The following ZNF12 variants were observed in gnomAD, a reference collection of about 807,000 sequenced individuals.
ZNF12 encodes the protein gonadotropin inducible transcription repressor 3.
Under a neutral mutation model 66.6 loss-of-function variants are expected in ZNF12, and 34 were observed. The ratio of observed to expected loss-of-function variants is 0.51; its 90% CI spans 0.39 to 0.68. The LOEUF (loss-of-function observed/expected upper bound fraction) is 0.68. ZNF12 is among the 30% of genes least tolerant of loss of function. ZNF12 has a pLI of 0.00. For synonymous variants in ZNF12, 320 were observed against 278.9 expected (o/e 1.15, Z -1.47); for missense variants, 697 against 826.9 (o/e 0.84, Z 1.93).
At position 6,689,383 on chromosome 7, in the gene ZNF12, T is replaced by G. The variant is rs996489391; in HGVS notation, c.*1465A>C. The G allele has an allele frequency of 6.6e-6, 1 of 152,240 alleles. No individual in the cohort carries two copies. The highest frequency in any genetic ancestry group is 2.4e-5 in the African/African-American group (1 of 41,462). The allele number at this position is 152,240 out of a possible 1,614,324, so 9.4% of individuals were successfully genotyped here. ...TCCCTTTGCTTGAATCCTTGGGCCT[T>G]TGAGAAAACCTTTTCCAGAAGTAGT... On this transcript the variant is annotated 3_prime_UTR_variant, in exon 5 of 5. Coordinates refer to ENST00000405858, the MANE Select transcript of ZNF12 (RefSeq NM_016265.4).
chr7:6,702,324 ACCAGATTCGTCTCC>A (rs1780260396), intron 2 of ZNF12, among the ~76,000 whole-genome samples: 3 of 41,704 alleles, frequency 7.2e-5, no homozygotes, highest in African/African-American at 2.7e-4. Context: ...ACACACACAC[ACCAGATTCGTCTCC>A]CAAACTACAC....
Position 6,697,897 on chromosome 7 carries a change from C to T in ZNF12, c.16-86G>A. 2.1e-6 allele frequency: 3 copies of T among 1,410,070 alleles called. No homozygotes were observed. The highest frequency in any genetic ancestry group is 3.0e-6 in the Non-Finnish European group (3 of 997,780). 87.3% of individuals were successfully genotyped at this position (1,410,070 alleles called of 1,614,324 possible). On this transcript the variant is annotated intron_variant, in intron 2 of 4. Coordinates refer to ENST00000405858, the MANE Select transcript of ZNF12 (RefSeq NM_016265.4). The surrounding 1 kb of genome is among the most constrained non-coding windows in gnomAD (Gnocchi z 6.1). ...TAGCATGCTCACTGGCAAAATTAAC[C>T]ATGAACACTGTATACCTTTATTTTA... is the stretch of plus-strand genomic sequence containing the variant.
chr7:6,691,328 T>C lies in ZNF12; in HGVS notation c.1614A>G (p.Arg538=), dbSNP rs763526175. ...KTFYQNSALC[R]HRRIHKGEKP... The stretch of plus-strand genomic sequence containing the variant: ...TCTCTCCTTTGTGTATTCTCCGATG[T>C]CTACAAAGGGCTGAGTTCTGGTAGA... Residue 538 remains arginine (R), a synonymous_variant, in exon 5 of 5, where the codon AGA becomes AGG. Transcript: ENST00000405858. The C allele has an allele frequency of 1.2e-6, 2 of 1,613,902 alleles. No individual in the cohort carries two copies. The highest frequency in any genetic ancestry group is 8.5e-7 in the Non-Finnish European group (1 of 1,179,852).
At position 6,690,805 on chromosome 7, in the gene ZNF12, C is replaced by T. The variant is rs372313083; in HGVS notation, c.*43G>A. 8.6e-6 allele frequency: 13 copies of T among 1,518,712 alleles called. No individual in the cohort carries two copies. Among genetic ancestry groups the T allele is most frequent in the Non-Finnish European group, 1.1e-5 (13 of 1,134,582 alleles). 94.1% of individuals were successfully genotyped at this position (1,518,712 alleles called of 1,614,324 possible). ...TGACTTCAGGCAGGAGTTTCTGATT[C>T]ACTATACTGAAAGGGTTCTCTGATA... On this transcript the variant is annotated 3_prime_UTR_variant, in exon 5 of 5. Transcript: ENST00000405858.
At position 6,706,800 on chromosome 7, in the gene ZNF12, T is replaced by C. The variant is rs1562604344; in HGVS notation, c.-419A>G. ...GGGGATCCCCGCTTGAGCCTCCGCCTGGCCCGCACAGCCCCGCGCCCGCTT... is the reference window on the plus strand; with the variant it reads ...GGGGATCCCCGCTTGAGCCTCCGCCCGGCCCGCACAGCCCCGCGCCCGCTT... On this transcript the variant is annotated 5_prime_UTR_variant, in exon 1 of 5. Coordinates refer to ENST00000405858, the MANE Select transcript of ZNF12 (RefSeq NM_016265.4). The C allele has an allele frequency of 3.6e-5, 10 of 275,348 alleles. No homozygotes were observed. The highest frequency in any genetic ancestry group is 3.1e-4 in the Admixed American group (5 of 16,378). The allele number at this position is 275,348 out of a possible 1,614,324, so 17.1% of individuals were successfully genotyped here.
intron 2 of ZNF12, among the ~76,000 whole-genome samples, chr7:6,702,147 G>C (rs1377104708): frequency 6.6e-6 from 1 of 152,024 alleles, no homozygotes; most frequent in Non-Finnish European, 1.5e-5. Flanking sequence ...ATTTGACACA[G>C]TTGATCACCT....
intron 2 of ZNF12, among the ~76,000 whole-genome samples, chr7:6,704,568 TAAAAA>T (rs752684046): frequency 3.5e-5 from 3 of 84,836 alleles, no homozygotes; most frequent in African/African-American, 4.9e-5. Flanking sequence ...GTCTCTACTT[TAAAAA>T]AAAAAAAAAA....
At chr7:6,703,392 C>T (rs959073626) in intron 2 of ZNF12, among the ~76,000 whole-genome samples, 2 of 152,168 alleles carry the variant, frequency 1.3e-5, no homozygotes, top group African/African-American at 4.8e-5. Context: ...ATTTTTACAA[C>T]AGCAGGGAGG....
chr7:6,692,821 CA>C lies in ZNF12; in HGVS notation c.239-119del. 2 of 1,013,570 alleles carry C rather than the reference CA, an allele frequency of 2.0e-6. No individual in the cohort carries two copies. Among genetic ancestry groups the C allele is most frequent in the Non-Finnish European group, 2.8e-6 (2 of 717,442 alleles). 62.8% of individuals were successfully genotyped at this position (1,013,570 alleles called of 1,614,324 possible). On this transcript the variant is annotated intron_variant, in intron 4 of 4. Transcript: ENST00000405858. This position sits in a 1 kb window ranked among gnomAD's most constrained non-coding sequence, Gnocchi z 5.1. Reference sequence around the variant, plus strand: ...TGTGAGTAGATGCTAGCTTCATGAACAGATGAAAATAATTCCAAGTGTACTC... The same window carrying C: ...TGTGAGTAGATGCTAGCTTCATGAACGATGAAAATAATTCCAAGTGTACTC...
rs889574337 is a variant in ZNF12, at chr7:6,691,118, A to G, written c.1824T>C (p.Tyr608=). Residue 608 remains tyrosine, a synonymous_variant, in exon 5 of 5, where the codon TAT becomes TAC. Transcript: ENST00000405858. Reference sequence around the variant, plus strand: ...TCTGAGAGAAGCACTTCCCACATTCATAACATTCGTAGGCTTTCTCTCCTG... The same window carrying G: ...TCTGAGAGAAGCACTTCCCACATTCGTAACATTCGTAGGCTTTCTCTCCTG... The part of the protein sequence containing the change: ...THTGEKAYEC[Y]ECGKCFSQMS... The G allele has an allele frequency of 2.5e-6, 4 of 1,614,136 alleles. No homozygotes were observed. Among genetic ancestry groups the G allele is most frequent in the Non-Finnish European group, 3.4e-6 (4 of 1,180,002 alleles).
rs139423352 is a variant in ZNF12, at chr7:6,706,943, G to A, written c.-562C>T. 12 of 402,842 alleles carry A rather than the reference G, an allele frequency of 3.0e-5. No individual in the cohort carries two copies. Among genetic ancestry groups the A allele is most frequent in the Non-Finnish European group, 5.9e-5 (12 of 203,506 alleles). The allele number at this position is 402,842 out of a possible 1,614,324, so 25.0% of individuals were successfully genotyped here. On this transcript the variant is annotated 5_prime_UTR_variant, in exon 1 of 5. Transcript: ENST00000405858. ...ACCTGGGGACGCACAGGAAGCGAGG[G>A]CACTGCGGCCGCGGCGCGCATGCGC... is the stretch of plus-strand genomic sequence containing the variant.
At position 6,690,690 on chromosome 7, in the gene ZNF12, T is replaced by C. The variant is rs1415720100; in HGVS notation, c.*158A>G. 1.4e-6 allele frequency: 1 copy of C among 715,216 alleles called. No homozygotes were observed. The highest frequency in any genetic ancestry group is 1.8e-5 in the African/African-American group (1 of 55,908). The allele number at this position is 715,216 out of a possible 1,614,324, so 44.3% of individuals were successfully genotyped here. A position where few individuals can be genotyped will look rare whatever the true frequency, so the allele number is the denominator to read the frequency against. On this transcript the variant is annotated 3_prime_UTR_variant, in exon 5 of 5. Coordinates refer to ENST00000405858, the MANE Select transcript of ZNF12 (RefSeq NM_016265.4). ...CCATGTGGTCTTGTTATAATCATGG[T>C]TTCCATTCTGTGAGTCTTCAGATTA...
chr7:6,702,958 AACAC>A (rs143823177), intron 2 of ZNF12, among the ~76,000 whole-genome samples: 19 of 100,836 alleles, frequency 1.9e-4, no homozygotes, highest in African/African-American at 7.9e-4. Context: ...CGTGTCCCAA[AACAC>A]ACACACACAC....
In ZNF12 at chr7:6,705,229, G is replaced by C. The variant is rs763945835; in HGVS notation, c.-50-6C>G. The C allele has an allele frequency of 6.2e-7, 1 of 1,611,116 alleles. No homozygotes were observed. Among genetic ancestry groups the C allele is most frequent in the Non-Finnish European group, 8.5e-7 (1 of 1,178,204 alleles). On this transcript the variant is annotated splice_region_variant and splice_polypyrimidine_tract_variant and intron_variant, in intron 1 of 4. Transcript: ENST00000405858. The surrounding 1 kb of genome is among the most constrained non-coding windows in gnomAD (Gnocchi z 4.0). ...CTGTGAAAGCGGAGGCAGATCTGGG[G>C]AAGGAAAACCCAAGCCATGGCGTTA... is the stretch of plus-strand genomic sequence containing the variant.
rs1176489167 is a variant in ZNF12 at position 6,706,456 on chromosome 7, C to G, written c.-75G>C. The G allele has an allele frequency of 4.2e-6, 2 of 478,142 alleles. No homozygotes were observed. Among genetic ancestry groups the G allele is most frequent in the Non-Finnish European group, 8.3e-6 (2 of 240,454 alleles). The allele number at this position is 478,142 out of a possible 1,614,324, so 29.6% of individuals were successfully genotyped here. On this transcript the variant is annotated 5_prime_UTR_variant, in exon 1 of 5. Transcript: ENST00000405858. ...CCCTCCTGGGGCTCCGCAGCCTCTG[C>G]CCCACCGCTCCCGACAGGCCGGGGC...
rs142066946 is a variant in ZNF12, at chr7:6,704,784, T to C, written c.15+375A>G. On this transcript the variant is annotated intron_variant, in intron 2 of 4. Transcript: ENST00000405858. ...AAAAAAAAAAAAAGAAAGGCAAGAA[T>C]TGCAATGGTTCAAGGGTTATTATTT... 2.2e-3 allele frequency among the ~76,000 whole-genome samples: 287 copies of C among 131,864 alleles called. 2 individuals carry two copies. The highest frequency in any genetic ancestry group is 3.5e-3 in the Non-Finnish European group (222 of 62,746). 86.5% of individuals were successfully genotyped at this position (131,864 alleles called of 152,430 possible). A position where few individuals can be genotyped will look rare whatever the true frequency, so the allele number is the denominator to read the frequency against.
rs1780341136 is a variant in ZNF12, at chr7:6,705,617, G to T, written c.-50-394C>A. Reference sequence around the variant, plus strand: ...GCCTGTAACCCCAGCTACTCGGGAGGCTGAGGCAGGAGAATCGCTTGAACC... The same window carrying T: ...GCCTGTAACCCCAGCTACTCGGGAGTCTGAGGCAGGAGAATCGCTTGAACC... On this transcript the variant is annotated intron_variant, in intron 1 of 4. Coordinates refer to ENST00000405858, the MANE Select transcript of ZNF12 (RefSeq NM_016265.4). The surrounding 1 kb of genome is among the most constrained non-coding windows in gnomAD (Gnocchi z 4.0). 6.6e-6 allele frequency among the ~76,000 whole-genome samples: 1 copy of T among 152,122 alleles called. No individual in the cohort carries two copies. Among genetic ancestry groups the T allele is most frequent in the Admixed American group, 6.5e-5 (1 of 15,270 alleles).
Position 6,696,586 on chromosome 7 carries a change from T to C in ZNF12, c.238+753A>G, listed in dbSNP as rs1437738088. Among the ~76,000 whole-genome samples, 1 of 152,052 alleles carries C rather than the reference T, an allele frequency of 6.6e-6. No homozygotes were observed. Among genetic ancestry groups the C allele is most frequent in the Non-Finnish European group, 1.5e-5 (1 of 68,006 alleles). Reference sequence around the variant, plus strand: ...AACTCATAATGCGAGGAAATCACAGTAGGTAGAAACAGACCCTTTAAAGAC... The same window carrying C: ...AACTCATAATGCGAGGAAATCACAGCAGGTAGAAACAGACCCTTTAAAGAC... On this transcript the variant is annotated intron_variant, in intron 4 of 4. Coordinates refer to ENST00000405858, the MANE Select transcript of ZNF12 (RefSeq NM_016265.4). The surrounding 1 kb of genome is among the most constrained non-coding windows in gnomAD (Gnocchi z 4.0).
rs1027327690 is a variant in ZNF12, at chr7:6,690,037, A to G, written c.*811T>C. 1.3e-5 allele frequency: 2 copies of G among 152,226 alleles called. No homozygotes were observed. The highest frequency in any genetic ancestry group is 2.9e-5 in the Non-Finnish European group (2 of 68,042). The allele number at this position is 152,226 out of a possible 1,614,324, so 9.4% of individuals were successfully genotyped here. A position where few individuals can be genotyped will look rare whatever the true frequency, so the allele number is the denominator to read the frequency against. On this transcript the variant is annotated 3_prime_UTR_variant, in exon 5 of 5. Coordinates refer to ENST00000405858, the MANE Select transcript of ZNF12 (RefSeq NM_016265.4). Reference sequence around the variant, plus strand: ...AGTTTTCTATCTATTTTATACATGGATATTTATCTCTCTGGCTGACTCAGA... The same window carrying G: ...AGTTTTCTATCTATTTTATACATGGGTATTTATCTCTCTGGCTGACTCAGA...
Sources: gnomAD v4.1 joint callset for allele counts (sites outside exome capture counted in the v4.1 genomes callset) on GRCh38, gnomAD v4.1.1 for gene constraint, Gnocchi (gnomAD v3.1) non-coding constraint, MANE v1.5 for transcripts, NCBI Gene and HGNC (gene_info 2026-07-23, HGNC 2026-07-21) for gene names.